Variants in HTT observed in about 807,000 individuals in gnomAD.
HTT encodes huntington disease protein.
A neutral mutation model predicts 362.3 loss-of-function variants in HTT; 104 were observed. The ratio of observed to expected loss-of-function variants is 0.29; its 90% CI spans 0.24 to 0.34. The LOEUF (loss-of-function observed/expected upper bound fraction) is 0.34. HTT is among the 10% of genes least tolerant of loss of function. The pLI is 1.00. For synonymous variants in HTT, 1,577 were observed against 1,548.7 expected (o/e 1.02, Z -0.43); for missense variants, 3,301 against 3,928.6 (o/e 0.84, Z 4.27).
At chr4:3,105,937 A>G (rs7693317) in intron 5 of HTT, among the ~76,000 whole-genome samples, 8,553 of 152,282 alleles carry the variant, frequency 0.056, 409 homozygotes, top group African/African-American at 0.13. Flanking sequence ...CAAAAGCAGG[A>G]CCACTTTTCA....
chr4:3,111,209 T>C (rs1445872550), intron 6 of HTT, among the ~76,000 whole-genome samples: 3 of 151,240 alleles, frequency 2.0e-5, no homozygotes, highest in Non-Finnish European at 4.4e-5. Context: ...TTTTTTTTTT[T>C]TTGAGATGGA....
chr4:3,080,027 C>G (rs1179318972), intron 1 of HTT, among the ~76,000 whole-genome samples: 1 of 151,862 alleles, frequency 6.6e-6, no homozygotes, highest in Non-Finnish European at 1.5e-5. Flanking sequence ...TGGTAACAAG[C>G]AAGAGCTTAT....
rs1721795708 is a variant in HTT, at chr4:3,241,446, C to CG, written c.*1390dup. On this transcript the variant is annotated 3_prime_UTR_variant, in exon 67 of 67. Coordinates refer to ENST00000355072, the MANE Select transcript of HTT (RefSeq NM_001388492.1). ...AAAATGGAAGTGGATTCTGGATGGC[C>CG]GGGCTGCTGCTGATGTAGGAGCTGG... 6.6e-6 allele frequency: 1 copy of CG among 152,446 alleles called. No homozygotes were observed. The highest frequency in any genetic ancestry group is 1.5e-5 in the Non-Finnish European group (1 of 68,196). The allele number at this position is 152,446 out of a possible 1,614,324, so 9.4% of individuals were successfully genotyped here. A position where few individuals can be genotyped will look rare whatever the true frequency, so the allele number is the denominator to read the frequency against.
rs79990975 is a variant in HTT, at chr4:3,093,163, A to C, written c.348-6111A>C. Among the ~76,000 whole-genome samples the C allele has an allele frequency of 3.3e-5, 5 of 152,324 alleles. No individual in the cohort carries two copies. In the East Asian group the frequency reaches 9.6e-4, roughly 29 times the overall value. ...CTGACGAGCACTTGCTTGTGCGGAA[A>C]TGACCCAGGGCTGGAGGTAGAGCCA... On this transcript the variant is annotated intron_variant, in intron 2 of 66. Coordinates refer to ENST00000355072, the MANE Select transcript of HTT (RefSeq NM_001388492.1).
intron 2 of HTT, among the ~76,000 whole-genome samples, chr4:3,087,771 A>G (rs557709590): frequency 1.3e-5 from 2 of 152,328 alleles, no homozygotes; most frequent in Admixed American, 1.3e-4. Flanking sequence ...AAGCTAGAAA[A>G]AGCCTTTATA....
At chr4:3,141,066 T>C (rs991768362) in intron 22 of HTT, among the ~76,000 whole-genome samples, 2 of 152,234 alleles carry the variant, frequency 1.3e-5, no homozygotes, top group Non-Finnish European at 2.9e-5. Context: ...TATCCACTAG[T>C]TCAGTGATTT....
chr4:3,169,463 G>GT, intron 29 of HTT, among the ~76,000 whole-genome samples: 1 of 151,866 alleles, frequency 6.6e-6, no homozygotes, highest in Non-Finnish European at 1.5e-5. Context: ...TGTTTTATGT[G>GT]TTTTCTGTTT....
intron 66 of HTT, 125 bp from the exon 67 acceptor site, chr4:3,239,721 C>T: frequency 1.4e-6 from 1 of 731,998 alleles, no homozygotes; most frequent in South Asian, 1.8e-5. Flanking sequence ...CCTTCCGGGG[C>T]TCTGCTCGCT....
intron 34 of HTT, 146 bp from the exon 35 acceptor site, chr4:3,178,152 G>A: frequency 1.6e-6 from 1 of 642,298 alleles, no homozygotes; most frequent in Non-Finnish European, 2.7e-6. Flanking sequence ...CACTGTGGCA[G>A]GGGTGGGGTT....
intron 3 of HTT, among the ~76,000 whole-genome samples, chr4:3,100,246 G>C (rs1157908219): frequency 1.3e-5 from 2 of 152,168 alleles, no homozygotes; most frequent in Admixed American, 1.3e-4. Context: ...ATTAAATTGT[G>C]TATGTGTGAG....
rs754202183 is a variant in HTT, at chr4:3,130,050, A to G, written c.1867+3A>G. Reference sequence around the variant, plus strand: ...GGCCTTCAGGAACTCTTCCATGGGTATGTGGACTACAGGTGATGCGCTACA... The same window carrying G: ...GGCCTTCAGGAACTCTTCCATGGGTGTGTGGACTACAGGTGATGCGCTACA... On this transcript the variant is annotated splice_donor_region_variant and intron_variant, in intron 13 of 66. Transcript: ENST00000355072. 6 of 1,603,376 alleles carry G rather than the reference A, an allele frequency of 3.7e-6. No individual in the cohort carries two copies. In the South Asian group the frequency reaches 6.7e-5, roughly 18 times the overall value.
At chr4:3,176,152 C>T (rs555852132) in intron 33 of HTT, among the ~76,000 whole-genome samples, 4 of 151,942 alleles carry the variant, frequency 2.6e-5, no homozygotes, top group South Asian at 2.1e-4. Context: ...CTCAGCCTCC[C>T]GAGTAGCTGG....
chr4:3,190,744 C>T (rs1419580246), intron 40 of HTT, among the ~76,000 whole-genome samples: 1 of 152,108 alleles, frequency 6.6e-6, no homozygotes, highest in African/African-American at 2.4e-5. Context: ...CATAAGATGC[C>T]AGCTGTGCAG....
intron 29 of HTT, among the ~76,000 whole-genome samples, chr4:3,166,711 G>A (rs1479132383): frequency 6.6e-6 from 1 of 152,268 alleles, no homozygotes; most frequent in Non-Finnish European, 1.5e-5. Context: ...CGCTAGCAGT[G>A]AGCAAGGCCC....
chr4:3,120,005 C>T (rs1026892717), intron 8 of HTT, among the ~76,000 whole-genome samples: 1 of 152,120 alleles, frequency 6.6e-6, no homozygotes, highest in Non-Finnish European at 1.5e-5. Flanking sequence ...TCCGGTGAAA[C>T]TTTAGGTACA....
rs566569528 is a variant in HTT at position 3,135,847 on chromosome 4, G to A, written c.2634-57G>A. On this transcript the variant is annotated intron_variant, in intron 19 of 66. Coordinates refer to ENST00000355072, the MANE Select transcript of HTT (RefSeq NM_001388492.1). ...TGAGCCTGCTCTGGAGCAAGCTGGC[G>A]GTAAGTGTTTACTGAGTAACTAAAT... is the stretch of plus-strand genomic sequence containing the variant. The A allele has an allele frequency of 4.4e-5, 62 of 1,401,606 alleles. 1 individual carries two copies. The highest frequency in any genetic ancestry group is 3.7e-4 in the South Asian group (28 of 75,544). The allele number at this position is 1,401,606 out of a possible 1,614,324, so 86.8% of individuals were successfully genotyped here. A position where few individuals can be genotyped will look rare whatever the true frequency, so the allele number is the denominator to read the frequency against.
chr4:3,125,531 T>C lies in HTT; in HGVS notation c.1322-18T>C. The C allele has an allele frequency of 3.2e-6, 5 of 1,575,504 alleles. No homozygotes were observed. The highest frequency in any genetic ancestry group is 4.4e-6 in the Non-Finnish European group (5 of 1,145,234). ...ATTTTTAGCAAACTAAAAGGAATGT[T>C]GGTACATTATTTACTAGGCAAAGTG... On this transcript the variant is annotated intron_variant, in intron 10 of 66. Transcript: ENST00000355072.
At chr4:3,159,294 C>T (rs1717323081) in intron 28 of HTT, among the ~76,000 whole-genome samples, 1 of 152,198 alleles carries the variant, frequency 6.6e-6, no homozygotes, top group African/African-American at 2.4e-5. Context: ...CCTCTTTTCC[C>T]TTCTTTGAGA....
chr4:3,215,734 C>T (rs1578596703), intron 51 of HTT, among the ~76,000 whole-genome samples: 1 of 152,080 alleles, frequency 6.6e-6, no homozygotes, highest in East Asian at 1.9e-4. Flanking sequence ...AAATCCAAAT[C>T]CCAGTGATTT....
Sources: gnomAD v4.1 joint callset for allele counts (sites outside exome capture counted in the v4.1 genomes callset) on GRCh38, gnomAD v4.1.1 for gene constraint, MANE v1.5 for transcripts, NCBI Gene and HGNC (gene_info 2026-07-23, HGNC 2026-07-21) for gene names.